Variants in BCAS4 observed in about 807,000 individuals in gnomAD.
BCAS4 encodes breast carcinoma amplified sequence 4.
In BCAS4, 9 loss-of-function variants were observed where a neutral mutation model predicts 15.7. The ratio of observed to expected loss-of-function variants is 0.57; its 90% CI spans 0.34 to 1.00. BCAS4 has a LOEUF of 1.00. Ranked by LOEUF, BCAS4 falls within the 50% of genes least tolerant of loss-of-function variation. The pLI, the probability that BCAS4 is intolerant of heterozygous loss-of-function variation, is 0.02. For missense variants in BCAS4, 225 were observed against 239.1 expected, an observed-to-expected ratio of 0.94 and a Z score of 0.39; for synonymous variants, 101 against 99.5, an observed-to-expected ratio of 1.02 and a Z score of -0.09.
rs111566476 is a variant in BCAS4 at position 50,830,348 on chromosome 20, C to A, written c.232C>A (p.Arg78Ser). ...CCTTAAGGCCAAACTGACAGAAATG[C>A]GTGGCATCTATGCCAAAGTGGACCG... ...PVLKAKLTEMRGIYAKVDRLE... is the reference protein window; with the variant it reads ...PVLKAKLTEMSGIYAKVDRLE... The change falls in exon 3 of 5, where the codon CGT (arginine) becomes AGT (serine). Residue 78 changes from arginine to serine, a missense_variant. Arg to Ser is a moderately radical substitution (Grantham distance 110, BLOSUM62 -1). Transcript: ENST00000371608. The A allele has an allele frequency of 1.2e-6, 2 of 1,613,642 alleles. No individual in the cohort carries two copies. Among genetic ancestry groups the A allele is most frequent in the Non-Finnish European group, 1.7e-6 (2 of 1,179,818 alleles).
At chr20:50,794,961 C>T (rs1188798758), upstream of BCAS4, 49 of 1,216,762 alleles carry the variant, frequency 4.0e-5, no homozygotes, top group East Asian at 2.7e-4. Context: ...CGGGAGCGCA[C>T]CTGCCCCGCC....
At chr20:50,826,279 G>A (rs972391831) in intron 2 of BCAS4, among the ~76,000 whole-genome samples, 4 of 152,174 alleles carry the variant, frequency 2.6e-5, no homozygotes, top group Admixed American at 1.3e-4. Flanking sequence ...AACAAATGCT[G>A]GAGCCAGGCA....
rs147526295 is a variant in BCAS4, at chr20:50,815,086, C to T, written c.91-3125C>T. Among the ~76,000 whole-genome samples, 710 of 152,348 alleles carry T rather than the reference C, an allele frequency of 4.7e-3. 2 individuals carry two copies. Among genetic ancestry groups the T allele is most frequent in the African/African-American group, 0.015 (634 of 41,588 alleles). ...TTAACCTCCTGACCATTCTGCCAAA[C>T]GGGCCTGATGGTTCCTGTCACAGGG... On this transcript the variant is annotated intron_variant, in intron 1 of 4. Transcript: ENST00000371608.
intron 2 of BCAS4, among the ~76,000 whole-genome samples, chr20:50,822,193 G>A (rs1372617597): frequency 2.0e-5 from 3 of 152,082 alleles, no homozygotes. Context: ...CGTGGCTGGC[G>A]TGGGCTTCCT....
intron 3 of BCAS4, among the ~76,000 whole-genome samples, chr20:50,834,935 C>G (rs533406235): frequency 1.2e-4 from 18 of 152,362 alleles, no homozygotes; most frequent in Admixed American, 4.6e-4. Flanking sequence ...CTGGACCATA[C>G]TTCATTTGTC....
chr20:50,812,789 A>G (rs2088087733), intron 1 of BCAS4, among the ~76,000 whole-genome samples: 1 of 151,848 alleles, frequency 6.6e-6, no homozygotes, highest in Non-Finnish European at 1.5e-5. Flanking sequence ...TTGTGAGAGC[A>G]TATTTTTCAT....
chr20:50,845,512 G>A (rs1429061740), intron 4 of BCAS4, among the ~76,000 whole-genome samples: 1 of 152,112 alleles, frequency 6.6e-6, no homozygotes, highest in East Asian at 1.9e-4. Context: ...CTTCTCCCGG[G>A]GCCTGTTCCA....
At chr20:50,794,954 G>C, upstream of BCAS4, 1 of 1,197,090 alleles carries the variant, frequency 8.4e-7, no homozygotes, top group Non-Finnish European at 1.0e-6. Flanking sequence ...CGACCGCCGG[G>C]AGCGCACCTG....
At chr20:50,870,348 C>T (rs1056242293) in intron 4 of BCAS4, among the ~76,000 whole-genome samples, 1 of 152,086 alleles carries the variant, frequency 6.6e-6, no homozygotes, top group Admixed American at 6.5e-5. Flanking sequence ...ACAGGGCAAA[C>T]GGAGGCCCTG....
the BCAS4 span, chr20:50,882,197 G>C: frequency 2.0e-5 from 3 of 151,654 alleles, no homozygotes; most frequent in Non-Finnish European, 4.4e-5. Flanking sequence ...AAAAAAAAGG[G>C]GGGGTTGCGG....
intron 3 of BCAS4, chr20:50,840,775 G>A: frequency 6.4e-7 from 1 of 1,558,450 alleles, no homozygotes; most frequent in African/African-American, 1.4e-5. Context: ...GCGGAGCGAG[G>A]CACGCGAGAA....
In BCAS4 at chr20:50,851,953, C is replaced by G. The variant is rs1978452950; in HGVS notation, c.399+10053C>G. Among the ~76,000 whole-genome samples the G allele has an allele frequency of 6.6e-6, 1 of 152,246 alleles. No individual in the cohort carries two copies. On this transcript the variant is annotated intron_variant, in intron 4 of 4. Coordinates refer to ENST00000371608, the MANE Select transcript of BCAS4 (RefSeq NM_198799.4). The surrounding 1 kb of genome is among the most constrained non-coding windows in gnomAD (Gnocchi z 4.3). Reference sequence around the variant, plus strand: ...TGTTGTTCCCCTAGCCTGAGAGCTGCTCAAGGGTGGGGCCTGTGTCTTGTC... The same window carrying G: ...TGTTGTTCCCCTAGCCTGAGAGCTGGTCAAGGGTGGGGCCTGTGTCTTGTC...
intron 3 of BCAS4, among the ~76,000 whole-genome samples, chr20:50,834,860 A>T (rs2088387635): frequency 6.6e-6 from 1 of 152,146 alleles, no homozygotes; most frequent in African/African-American, 2.4e-5. Flanking sequence ...TTCAAGGTTC[A>T]TCTATGTTGT....
chr20:50,821,220 C>T (rs188310591), intron 2 of BCAS4, among the ~76,000 whole-genome samples: 1 of 152,308 alleles, frequency 6.6e-6, no homozygotes, highest in East Asian at 1.9e-4. Flanking sequence ...TAAAGCCAGA[C>T]CAAGAGGATC....
intron 1 of BCAS4, among the ~76,000 whole-genome samples, chr20:50,817,118 T>A (rs2088149585): frequency 1.3e-5 from 2 of 151,618 alleles, no homozygotes; most frequent in African/African-American, 4.8e-5. Flanking sequence ...TTTTTTTTTT[T>A]AAAGGGATGG....
chr20:50,874,829 C>T lies in BCAS4; in HGVS notation c.400-1657C>T, dbSNP rs1008457469. On this transcript the variant is annotated intron_variant, in intron 4 of 4. Transcript: ENST00000371608. ...GCTGTCATTGGCCATAGTCTGGAGC[C>T]CACATCCCTGTACTGACACGCAGCT... Among the ~76,000 whole-genome samples, 4 of 152,174 alleles carry T rather than the reference C, an allele frequency of 2.6e-5. No homozygotes were observed. In the South Asian group the frequency reaches 6.2e-4, roughly 24 times the overall value.
intron 1 of BCAS4, among the ~76,000 whole-genome samples, chr20:50,802,543 C>T (rs2087940201): frequency 6.6e-6 from 1 of 152,218 alleles, no homozygotes; most frequent in South Asian, 2.1e-4. Flanking sequence ...GGTCTCCCAT[C>T]CGGCCCAGCT....
In BCAS4 at chr20:50,851,105, C is replaced by A. The variant is rs1978394100; in HGVS notation, c.399+9205C>A. Among the ~76,000 whole-genome samples the A allele has an allele frequency of 9.6e-6, 1 of 103,786 alleles. No individual in the cohort carries two copies. Among genetic ancestry groups the A allele is most frequent in the African/African-American group, 3.9e-5 (1 of 25,422 alleles). 68.1% of individuals were successfully genotyped at this position (103,786 alleles called of 152,430 possible). On this transcript the variant is annotated intron_variant, in intron 4 of 4. Transcript: ENST00000371608. The surrounding 1 kb of genome is among the most constrained non-coding windows in gnomAD (Gnocchi z 4.3). Reference sequence around the variant, plus strand: ...TGCTGGGTCTCTCCCCTGCAGAATCCCCCTGCAGGAGGTGACTCGGGGAGG... The same window carrying A: ...TGCTGGGTCTCTCCCCTGCAGAATCACCCTGCAGGAGGTGACTCGGGGAGG...
chr20:50,801,994 G>A (rs776243339), intron 1 of BCAS4, among the ~76,000 whole-genome samples: 176 of 152,014 alleles, frequency 1.2e-3, no homozygotes, highest in Middle Eastern at 3.4e-3. Flanking sequence ...CCCCAGGGGG[G>A]GAGTCTGAAT....
Sources: gnomAD v4.1 joint callset for allele counts (sites outside exome capture counted in the v4.1 genomes callset) on GRCh38, gnomAD v4.1.1 for gene constraint, Gnocchi (gnomAD v3.1) non-coding constraint, MANE v1.5 for transcripts, NCBI Gene and HGNC (gene_info 2026-07-23, HGNC 2026-07-21) for gene names.